The following ANKRD30A variants were observed in gnomAD, a reference collection of about 807,000 sequenced individuals.
The protein encoded by ANKRD30A is ankyrin repeat domain-containing protein 30A.
Under a neutral mutation model 166.3 loss-of-function variants are expected in ANKRD30A, and 170 were observed. The ratio of observed to expected loss-of-function variants is 1.02; its 90% CI spans 0.90 to 1.16. ANKRD30A has a LOEUF of 1.16. Ranked by LOEUF, ANKRD30A falls within the 50% of genes most tolerant of loss-of-function variation. ANKRD30A has a pLI of 0.00. For synonymous variants in ANKRD30A, 564 were observed against 508.9 expected (o/e 1.11, Z -1.46); for missense variants, 1,630 against 1,518.0 (o/e 1.07, Z -1.23).
chr10:37,259,322 T>C, the ANKRD30A span, among the ~76,000 whole-genome samples: 1 of 152,204 alleles, frequency 6.6e-6, no homozygotes, highest in Non-Finnish European at 1.5e-5. Flanking sequence ...AATGGGATAC[T>C]ATGACACACA....
At chr10:37,196,644 T>G (rs1277119028) in intron 27 of ANKRD30A, among the ~76,000 whole-genome samples, 2 of 152,174 alleles carry the variant, frequency 1.3e-5, no homozygotes, top group Non-Finnish European at 2.9e-5. Flanking sequence ...ATGTCAATAT[T>G]GAAAGCTTAG....
At chr10:37,254,810 G>A in the ANKRD30A span, among the ~76,000 whole-genome samples, 4 of 151,278 alleles carry the variant, frequency 2.6e-5, no homozygotes, top group Non-Finnish European at 5.9e-5. Context: ...CAGCTTCCGA[G>A]TAGCTGGGAC....
At chr10:37,220,831 A>C (rs1842865469) in intron 34 of ANKRD30A, among the ~76,000 whole-genome samples, 1 of 151,088 alleles carries the variant, frequency 6.6e-6, no homozygotes, top group Non-Finnish European at 1.5e-5. Flanking sequence ...GAAACACAGC[A>C]GCTGAGGTCA....
intron 27 of ANKRD30A, among the ~76,000 whole-genome samples, chr10:37,196,289 C>G (rs11011064): frequency 1.5e-4 from 22 of 151,686 alleles, no homozygotes; most frequent in Admixed American, 3.9e-4. Flanking sequence ...AGGAGTCCTA[C>G]TAGAATTGGG....
At chr10:37,199,937 A>C (rs145765986) in intron 30 of ANKRD30A, 149 bp downstream of exon 30, 10,382 of 500,360 alleles carry the variant, frequency 0.021, 209 homozygotes, top group South Asian at 0.056. Flanking sequence ...TAGAGAATCT[A>C]TGTGCTAAGT....
At chr10:37,203,211 A>T (rs541036343) in intron 31 of ANKRD30A, among the ~76,000 whole-genome samples, 2 of 152,340 alleles carry the variant, frequency 1.3e-5, no homozygotes, top group Admixed American at 6.5e-5. Context: ...AGTATCCCTG[A>T]TGAACATCAA....
At chr10:37,166,395 C>T (rs1402439363) in intron 18 of ANKRD30A, among the ~76,000 whole-genome samples, 1 of 151,978 alleles carries the variant, frequency 6.6e-6, no homozygotes, top group Non-Finnish European at 1.5e-5. Context: ...TTAATGGCCA[C>T]GTGAACGTAA....
chr10:37,179,490 A>C (rs1284799678), intron 24 of ANKRD30A, among the ~76,000 whole-genome samples: 121 of 151,044 alleles, frequency 8.0e-4, no homozygotes, highest in Admixed American at 7.5e-3. Flanking sequence ...CTATTCCTAC[A>C]TTATGGGAAT....
chr10:37,248,558 T>A, the ANKRD30A span, among the ~76,000 whole-genome samples: 1 of 152,110 alleles, frequency 6.6e-6, no homozygotes, highest in Non-Finnish European at 1.5e-5. Flanking sequence ...TGTGGAAGAC[T>A]TTTTTAGGCA....
At chr10:37,263,995 T>C in the ANKRD30A span, among the ~76,000 whole-genome samples, 2 of 152,182 alleles carry the variant, frequency 1.3e-5, no homozygotes, top group East Asian at 1.9e-4. Context: ...AGGATCATCA[T>C]ATTAAGAGGA....
chr10:37,228,395 G>T (rs2132762333), intron 34 of ANKRD30A, among the ~76,000 whole-genome samples: 1 of 151,982 alleles, frequency 6.6e-6, no homozygotes, highest in East Asian at 1.9e-4. Flanking sequence ...TTACTTCTGA[G>T]ATGATTAAAA....
At chr10:37,195,457 C>T (rs1355364746) in intron 27 of ANKRD30A, among the ~76,000 whole-genome samples, 1 of 152,082 alleles carries the variant, frequency 6.6e-6, no homozygotes, top group Non-Finnish European at 1.5e-5. Context: ...CACGGCTTCA[C>T]ATGCTAGTTC....
At chr10:37,148,378 C>T (rs1239537891) in intron 9 of ANKRD30A, among the ~76,000 whole-genome samples, 2 of 152,008 alleles carry the variant, frequency 1.3e-5, no homozygotes, top group Non-Finnish European at 2.9e-5. Flanking sequence ...AAGTTACTGT[C>T]ACTAAACAAG....
chr10:37,140,742 T>G (rs544368121), intron 6 of ANKRD30A, among the ~76,000 whole-genome samples: 225 of 147,090 alleles, frequency 1.5e-3, no homozygotes, highest in Non-Finnish European at 2.8e-3. Context: ...AAATTTTTCA[T>G]AATAACAAAA....
At chr10:37,241,618 A>G in the ANKRD30A span, among the ~76,000 whole-genome samples, 2 of 152,106 alleles carry the variant, frequency 1.3e-5, no homozygotes, top group Non-Finnish European at 2.9e-5. Flanking sequence ...TATTACAATT[A>G]CAGTGATAGA....
At chr10:37,152,432 T>G (rs17590176) in intron 12 of ANKRD30A, among the ~76,000 whole-genome samples, 2 of 152,096 alleles carry the variant, frequency 1.3e-5, no homozygotes, top group Admixed American at 6.6e-5. Flanking sequence ...ATTACACTGA[T>G]TCCAGCTATG....
At chr10:37,199,306 T>C (rs1416043824) in intron 29 of ANKRD30A, among the ~76,000 whole-genome samples, 1 of 152,080 alleles carries the variant, frequency 6.6e-6, no homozygotes, top group Non-Finnish European at 1.5e-5. Flanking sequence ...ATCATCTTTT[T>C]TGAAGAACTG....
At chr10:37,191,580 G>A (rs2132657222) in intron 25 of ANKRD30A, among the ~76,000 whole-genome samples, 1 of 152,068 alleles carries the variant, frequency 6.6e-6, no homozygotes, top group East Asian at 1.9e-4. Context: ...TTATCAGTCA[G>A]CATATACATA....
At chr10:37,147,908 T>C (rs1202252656) in intron 9 of ANKRD30A, among the ~76,000 whole-genome samples, 1 of 152,184 alleles carries the variant, frequency 6.6e-6, no homozygotes, top group Non-Finnish European at 1.5e-5. Flanking sequence ...AAATTATAGC[T>C]AAAGTTTTCT....
Sources: allele counts gnomAD v4.1 joint callset (sites outside exome capture counted in the v4.1 genomes callset), GRCh38; gene constraint gnomAD v4.1.1; transcripts MANE v1.5; gene names NCBI Gene and HGNC (gene_info 2026-07-23, HGNC 2026-07-21).